The following ADNP2 variants were observed in gnomAD, a reference collection of about 807,000 sequenced individuals.
ADNP2 encodes the protein activity-dependent neuroprotector homeobox protein 2.
In ADNP2, 8 loss-of-function variants were observed where a neutral mutation model predicts 16.4. The observed-to-expected ratio is 0.49, with a 90% CI of 0.29 to 0.88. The LOEUF (loss-of-function observed/expected upper bound fraction) is 0.88. Among genes scored for constraint, ADNP2 ranks in the 40% least tolerant of loss-of-function variants. The probability of loss-of-function intolerance (pLI) is 0.09; values close to 1 mark genes in which losing one functional copy is unlikely to be tolerated. For synonymous variants in ADNP2, 637 were observed against 545.8 expected, an observed-to-expected ratio of 1.17 and a Z score of -2.33; for missense variants, 1,397 against 1,395.1, an observed-to-expected ratio of 1.00 and a Z score of -0.02.
intron 2 of ADNP2, among the ~76,000 whole-genome samples, chr18:80,131,566 ATTCT>A (rs1436838575): frequency 6.6e-4 from 67 of 101,978 alleles, no homozygotes; most frequent in African/African-American, 2.3e-3. Flanking sequence ...CAAGATGAAG[ATTCT>A]TTTTTTTTTT....
intron 2 of ADNP2, among the ~76,000 whole-genome samples, chr18:80,131,304 T>C (rs2052494656): frequency 6.6e-6 from 1 of 152,150 alleles, no homozygotes; most frequent in Non-Finnish European, 1.5e-5. Context: ...TTTCAGCTGA[T>C]TGTGAGGTTT....
At chr18:80,111,325 C>T (rs2052355468) in intron 1 of ADNP2, among the ~76,000 whole-genome samples, 1 of 152,150 alleles carries the variant, frequency 6.6e-6, no homozygotes, top group African/African-American at 2.4e-5. Flanking sequence ...CATTTATCCT[C>T]ATAACTACTC....
chr18:80,133,627 A>G (rs964426940), intron 3 of ADNP2: 1 of 185,338 alleles, frequency 5.4e-6, no homozygotes, highest in Non-Finnish European at 1.1e-5. Context: ...AATTCAGGCT[A>G]AAACATGAGC....
intron 2 of ADNP2, among the ~76,000 whole-genome samples, chr18:80,120,147 C>G (rs1167546878): frequency 2.0e-5 from 3 of 152,126 alleles, no homozygotes; most frequent in African/African-American, 7.2e-5. Context: ...AGCTGAGGCT[C>G]CGAGCCCTTG....
chr18:80,128,425 A>C (rs1026278180), intron 2 of ADNP2, among the ~76,000 whole-genome samples: 7 of 152,094 alleles, frequency 4.6e-5, no homozygotes, highest in African/African-American at 1.7e-4. Flanking sequence ...GCCGAGGTGG[A>C]TGGATCACGA....
At chr18:80,123,168 T>G (rs1246674146) in intron 2 of ADNP2, among the ~76,000 whole-genome samples, 1 of 152,244 alleles carries the variant, frequency 6.6e-6, no homozygotes, top group Non-Finnish European at 1.5e-5. Context: ...TGGGATGGAA[T>G]GCACTCACTT....
Position 80,136,911 on chromosome 18 carries a change from C to T in ADNP2, c.1498C>T (p.Pro500Ser), listed in dbSNP as rs776445675. The change falls in exon 4 of 4, where the codon CCA (proline) becomes TCA (serine). Residue 500 changes from proline to serine, a missense_variant. Around this residue, in one of 3 missense-constraint regions of ADNP2, gnomAD observed 777 missense variants for 719.4 expected, o/e 1.08. Coordinates refer to ENST00000262198, the MANE Select transcript of ADNP2 (RefSeq NM_014913.4). ...GACAGCTCCGTCACGGGTTCTTCCC[C>T]CAGGCCAGACAGCCCCATTGAGGGT... ...GQTAPSRVLPPGQTAPLRVIS... is the reference protein window; with the variant it reads ...GQTAPSRVLPSGQTAPLRVIS... 1.2e-6 allele frequency: 2 copies of T among 1,614,098 alleles called. No individual in the cohort carries two copies. The highest frequency in any genetic ancestry group is 2.2e-5 in the East Asian group (1 of 44,868).
At chr18:80,132,100 G>T (rs1349527588) in intron 2 of ADNP2, among the ~76,000 whole-genome samples, 1 of 152,150 alleles carries the variant, frequency 6.6e-6, no homozygotes, top group Non-Finnish European at 1.5e-5. Context: ...ACATATAGAG[G>T]ATGTAGATAG....
In ADNP2 at chr18:80,109,293, C is replaced by G. The variant is rs1343705278; in HGVS notation, c.-193C>G. The stretch of plus-strand genomic sequence containing the variant: ...GCGCCATTTTCTCTTTCTGGCTGCG[C>G]GGGAGGAGGGGACCAGTCGCGCTGG... On this transcript the variant is annotated 5_prime_UTR_variant, in exon 1 of 4. Coordinates refer to ENST00000262198, the MANE Select transcript of ADNP2 (RefSeq NM_014913.4). The G allele has an allele frequency of 6.6e-6, 1 of 151,658 alleles. No individual in the cohort carries two copies. Among genetic ancestry groups the G allele is most frequent in the Admixed American group, 6.6e-5 (1 of 15,234 alleles). The allele number at this position is 151,658 out of a possible 1,614,324, so 9.4% of individuals were successfully genotyped here. A position where few individuals can be genotyped will look rare whatever the true frequency, so the allele number is the denominator to read the frequency against.
At chr18:80,113,327 G>A (rs1011558822) in intron 1 of ADNP2, among the ~76,000 whole-genome samples, 3 of 152,018 alleles carry the variant, frequency 2.0e-5, no homozygotes, top group African/African-American at 7.2e-5. Flanking sequence ...AAATTTATCC[G>A]CTTCAAAACA....
chr18:80,119,172 G>C (rs893253979), intron 2 of ADNP2, among the ~76,000 whole-genome samples: 1 of 151,946 alleles, frequency 6.6e-6, no homozygotes, highest in East Asian at 1.9e-4. Flanking sequence ...TCACTGAACC[G>C]CATAGTGAGA....
chr18:80,132,681 CT>C (rs941531175), intron 2 of ADNP2, among the ~76,000 whole-genome samples: 2 of 149,250 alleles, frequency 1.3e-5, no homozygotes, highest in African/African-American at 5.0e-5. Context: ...TCTTCCTCCC[CT>C]CTCTCCTCTC....
chr18:80,115,300 G>C (rs893937126), intron 1 of ADNP2, among the ~76,000 whole-genome samples: 5 of 152,176 alleles, frequency 3.3e-5, no homozygotes, highest in Admixed American at 6.5e-5. Context: ...GGCACAGGAT[G>C]TTCTAGGCTC....
In ADNP2 at chr18:80,139,001, C is replaced by G. The variant is rs2052563786; in HGVS notation, c.*192C>G. On this transcript the variant is annotated 3_prime_UTR_variant, in exon 4 of 4. Coordinates refer to ENST00000262198, the MANE Select transcript of ADNP2 (RefSeq NM_014913.4). Reference sequence around the variant, plus strand: ...AGTAGTTATTTCACATCTATTGTTTCCTGCAGTTTGATTTGTAACAGAACA... The same window carrying G: ...AGTAGTTATTTCACATCTATTGTTTGCTGCAGTTTGATTTGTAACAGAACA... The G allele has an allele frequency of 2.2e-6, 1 of 456,434 alleles. No individual in the cohort carries two copies. The highest frequency in any genetic ancestry group is 3.7e-6 in the Non-Finnish European group (1 of 269,114). 28.3% of individuals were successfully genotyped at this position (456,434 alleles called of 1,614,324 possible).
intron 2 of ADNP2, among the ~76,000 whole-genome samples, chr18:80,128,116 A>T (rs1299441482): frequency 6.6e-6 from 1 of 152,208 alleles, no homozygotes; most frequent in African/African-American, 2.4e-5. Flanking sequence ...GCTCTTGTTA[A>T]TTCCAGCCTT....
At chr18:80,134,623 C>G (rs2052520321) in intron 3 of ADNP2, among the ~76,000 whole-genome samples, 1 of 152,020 alleles carries the variant, frequency 6.6e-6, no homozygotes, top group Non-Finnish European at 1.5e-5. Context: ...TTTCACTGTG[C>G]TCTCAAGTTA....
At chr18:80,115,734 C>T (rs1301230667) in intron 1 of ADNP2, among the ~76,000 whole-genome samples, 1 of 152,182 alleles carries the variant, frequency 6.6e-6, no homozygotes, top group Non-Finnish European at 1.5e-5. Context: ...AGAAGCCCTG[C>T]TTCCATCACT....
At chr18:80,125,303 C>T (rs1379452968) in intron 2 of ADNP2, among the ~76,000 whole-genome samples, 1 of 152,018 alleles carries the variant, frequency 6.6e-6, no homozygotes, top group East Asian at 1.9e-4. Context: ...TGCTTGAGGC[C>T]AGGAGTTTTA....
intron 2 of ADNP2, among the ~76,000 whole-genome samples, chr18:80,129,087 A>G (rs1555729819): frequency 7.2e-6 from 1 of 138,946 alleles, no homozygotes; most frequent in Non-Finnish European, 1.6e-5. Context: ...CTTCAGTTTT[A>G]CCCAGAACTT....
Sources: gnomAD v4.1 joint callset for allele counts (sites outside exome capture counted in the v4.1 genomes callset) on GRCh38, gnomAD v4.1.1 for gene constraint, gnomAD v4.1.1 regional missense constraint, MANE v1.5 for transcripts, NCBI Gene and HGNC (gene_info 2026-07-23, HGNC 2026-07-21) for gene names.